SNTG1: variants seen among roughly 807,000 people sequenced by gnomAD.
SNTG1 encodes the protein syntrophin gamma 1, also known as gamma-1-syntrophin.
A neutral mutation model predicts 74.7 loss-of-function variants in SNTG1; 39 were observed. The observed-to-expected ratio is 0.52, with a 90% CI of 0.40 to 0.68. The LOEUF (loss-of-function observed/expected upper bound fraction) is 0.68, where lower values mean the gene tolerates loss of function less well. Among genes scored for constraint, SNTG1 ranks in the 30% least tolerant of loss-of-function variants. The pLI is 0.00. For missense variants in SNTG1, 685 were observed against 609.5 expected, an observed-to-expected ratio of 1.12 and a Z score of -1.30; for synonymous variants, 254 against 217.1, an observed-to-expected ratio of 1.17 and a Z score of -1.49.
chr8:50,480,334 G>T (rs952972125), intron 8 of SNTG1, among the ~76,000 whole-genome samples: 2 of 152,032 alleles, frequency 1.3e-5, no homozygotes, highest in Non-Finnish European at 2.9e-5. Flanking sequence ...AATCAGGTGT[G>T]TGTAGTCTCT....
chr8:50,758,231 C>T (rs2095586523), intron 18 of SNTG1, among the ~76,000 whole-genome samples: 1 of 151,682 alleles, frequency 6.6e-6, no homozygotes, highest in African/African-American at 2.4e-5. Flanking sequence ...ATCCAGTGTC[C>T]CTGCCATATC....
chr8:50,293,323 T>G (rs1417871726), intron 2 of SNTG1, among the ~76,000 whole-genome samples: 1 of 152,150 alleles, frequency 6.6e-6, no homozygotes, highest in East Asian at 1.9e-4. Context: ...TTCACATGGT[T>G]TTCCTTCTAC....
chr8:50,247,288 A>G (rs1001956393), intron 2 of SNTG1, among the ~76,000 whole-genome samples: 10 of 152,190 alleles, frequency 6.6e-5, no homozygotes, highest in Non-Finnish European at 1.2e-4. Flanking sequence ...TAAACTGTTC[A>G]TAAAGCATCA....
At chr8:50,206,310 A>C (rs576348718) in intron 2 of SNTG1, among the ~76,000 whole-genome samples, 1 of 151,934 alleles carries the variant, frequency 6.6e-6, no homozygotes, top group Non-Finnish European at 1.5e-5. Context: ...ATTCCTAGGT[A>C]TTTTATTCTC....
At chr8:49,994,472 C>A (rs1381027154) in intron 1 of SNTG1, among the ~76,000 whole-genome samples, 1 of 148,886 alleles carries the variant, frequency 6.7e-6, no homozygotes, top group Non-Finnish European at 1.5e-5. Flanking sequence ...ACCATGTTGG[C>A]CAGGCTGGTC....
intron 2 of SNTG1, among the ~76,000 whole-genome samples, chr8:50,179,595 A>G (rs1379851013): frequency 6.6e-6 from 1 of 152,198 alleles, no homozygotes; most frequent in Admixed American, 6.5e-5. Context: ...GAAAGGAAAA[A>G]AGTAATCTAA....
chr8:50,507,475 G>A (rs1343785537), intron 9 of SNTG1, among the ~76,000 whole-genome samples: 4 of 151,944 alleles, frequency 2.6e-5, no homozygotes, highest in Admixed American at 6.6e-5. Flanking sequence ...TATTTTGTGA[G>A]GAATTTATTA....
chr8:50,196,812 A>G (rs965395003), intron 2 of SNTG1, among the ~76,000 whole-genome samples: 1 of 151,508 alleles, frequency 6.6e-6, no homozygotes, highest in Non-Finnish European at 1.5e-5. Flanking sequence ...CAAAAAAAAA[A>G]AAACAAAAAA....
At chr8:50,429,053 T>A (rs533609724) in intron 4 of SNTG1, among the ~76,000 whole-genome samples, 1 of 151,788 alleles carries the variant, frequency 6.6e-6, no homozygotes, top group South Asian at 2.1e-4. Context: ...TATTATTGTT[T>A]ATATTATCAT....
chr8:50,064,571 A>T (rs374040986), intron 1 of SNTG1, among the ~76,000 whole-genome samples: 2 of 152,188 alleles, frequency 1.3e-5, no homozygotes, highest in Non-Finnish European at 2.9e-5. Context: ...GTCACCCTCA[A>T]TGCTGATCAC....
chr8:50,776,823 C>G (rs77418524), intron 18 of SNTG1, among the ~76,000 whole-genome samples: 3,017 of 151,810 alleles, frequency 0.02, 95 homozygotes, highest in African/African-American at 0.065. Context: ...TCTTGATTTT[C>G]CCTTAATTTC....
intron 2 of SNTG1, among the ~76,000 whole-genome samples, chr8:50,220,076 G>A (rs1461397015): frequency 1.3e-5 from 2 of 152,080 alleles, no homozygotes; most frequent in Admixed American, 1.3e-4. Context: ...ACTTTAAGAA[G>A]GTCCCATTGG....
chr8:50,354,820 CA>C (rs2091772055), intron 2 of SNTG1, among the ~76,000 whole-genome samples: 1 of 152,128 alleles, frequency 6.6e-6, no homozygotes, highest in Non-Finnish European at 1.5e-5. Flanking sequence ...CAGCTGCTTG[CA>C]GTGGCTGGAC....
At chr8:50,659,114 G>A (rs2095202817) in intron 15 of SNTG1, among the ~76,000 whole-genome samples, 1 of 152,140 alleles carries the variant, frequency 6.6e-6, no homozygotes, top group Non-Finnish European at 1.5e-5. Flanking sequence ...AAGTTTTGCT[G>A]TTTTGTTCTT....
chr8:50,431,036 CTTAGGTCACA>C (rs1224039289), intron 4 of SNTG1, among the ~76,000 whole-genome samples: 1 of 152,118 alleles, frequency 6.6e-6, no homozygotes, highest in Non-Finnish European at 1.5e-5. Flanking sequence ...TCCACAGTGA[CTTAGGTCACA>C]TCATCCCCCT....
At chr8:50,040,607 C>T (rs1818553338) in intron 1 of SNTG1, among the ~76,000 whole-genome samples, 1 of 152,074 alleles carries the variant, frequency 6.6e-6, no homozygotes, top group Non-Finnish European at 1.5e-5. Context: ...AATCCTATTT[C>T]TTCAACTAAT....
intron 12 of SNTG1, among the ~76,000 whole-genome samples, chr8:50,562,945 G>A (rs1343020205): frequency 6.6e-6 from 1 of 152,176 alleles, no homozygotes; most frequent in Admixed American, 6.5e-5. Flanking sequence ...CACGCAGTCT[G>A]AGCAAGGACT....
At chr8:50,436,384 T>C (rs1042482026) in intron 4 of SNTG1, among the ~76,000 whole-genome samples, 3 of 152,180 alleles carry the variant, frequency 2.0e-5, no homozygotes, top group African/African-American at 7.2e-5. Context: ...ATTTGAGTTA[T>C]TCTATGATGT....
intron 1 of SNTG1, among the ~76,000 whole-genome samples, chr8:49,959,553 T>A (rs149233764): frequency 3.0e-4 from 46 of 152,382 alleles, no homozygotes; most frequent in Non-Finnish European, 6.0e-4. Flanking sequence ...ATATATGTGT[T>A]TTTTGCAACT....
Sources: gnomAD v4.1 joint callset for allele counts (sites outside exome capture counted in the v4.1 genomes callset) on GRCh38, gnomAD v4.1.1 for gene constraint, MANE v1.5 for transcripts, NCBI Gene and HGNC (gene_info 2026-07-23, HGNC 2026-07-21) for gene names.